The following NAV3 variants were observed in gnomAD, a reference collection of about 807,000 sequenced individuals.
NAV3 encodes neuron navigator 3.
A neutral mutation model predicts 244.7 loss-of-function variants in NAV3; 87 were observed. The observed-to-expected ratio is 0.36, with a 90% CI of 0.30 to 0.42. NAV3 has a LOEUF of 0.42. Ranked by LOEUF, NAV3 falls within the 20% of genes least tolerant of loss-of-function variation. The probability of loss-of-function intolerance (pLI) is 1.00; values close to 1 mark genes in which losing one functional copy is unlikely to be tolerated. For missense variants in NAV3, 2,663 were observed against 2,893.3 expected, an observed-to-expected ratio of 0.92 and a Z score of 1.83; for synonymous variants, 1,126 against 1,042.2, an observed-to-expected ratio of 1.08 and a Z score of -1.55.
At chr12:77,607,670 A>G (rs1374908491) in intron 2 of NAV3, among the ~76,000 whole-genome samples, 1 of 152,102 alleles carries the variant, frequency 6.6e-6, no homozygotes, top group Non-Finnish European at 1.5e-5. Context: ...TCAAGCATTC[A>G]ATCCCAATTG....
chr12:78,017,126 G>T (rs1876357902), intron 8 of NAV3, among the ~76,000 whole-genome samples: 1 of 152,080 alleles, frequency 6.6e-6, no homozygotes, highest in Non-Finnish European at 1.5e-5. Flanking sequence ...TTTATCTGCA[G>T]CACCTACATT....
At chr12:77,904,549 C>T (rs989669416) in intron 1 of NAV3, among the ~76,000 whole-genome samples, 7 of 152,040 alleles carry the variant, frequency 4.6e-5, no homozygotes, top group Non-Finnish European at 8.8e-5. Flanking sequence ...TGCTAAATGA[C>T]GAGTTAATGG....
intron 2 of NAV3, among the ~76,000 whole-genome samples, chr12:77,682,168 C>T (rs1874503174): frequency 6.6e-6 from 1 of 152,104 alleles, no homozygotes; most frequent in Non-Finnish European, 1.5e-5. Flanking sequence ...CACCACAATC[C>T]CCAGCCTCTG....
intron 2 of NAV3, among the ~76,000 whole-genome samples, chr12:77,733,834 A>AT (rs56770236): frequency 0.019 from 2,385 of 124,078 alleles, 23 homozygotes; most frequent in Non-Finnish European, 0.023. Flanking sequence ...CTTGGTTTAG[A>AT]TTTTTTTTTT....
chr12:78,033,140 C>G (rs1455222707), intron 9 of NAV3, among the ~76,000 whole-genome samples: 1 of 151,860 alleles, frequency 6.6e-6, no homozygotes, highest in Non-Finnish European at 1.5e-5. Context: ...GAAGGATAAG[C>G]GAATGGTTAC....
At chr12:77,823,632 A>G (rs1273657316) in intron 2 of NAV3, among the ~76,000 whole-genome samples, 1 of 152,234 alleles carries the variant, frequency 6.6e-6, no homozygotes, top group Non-Finnish European at 1.5e-5. Flanking sequence ...CTCAAAAGCT[A>G]CTTAACTATG....
At chr12:77,781,384 T>C (rs1383598878) in intron 2 of NAV3, among the ~76,000 whole-genome samples, 6 of 152,192 alleles carry the variant, frequency 3.9e-5, no homozygotes, top group Admixed American at 3.9e-4. Flanking sequence ...ACCTGGATGC[T>C]TCATCTGCAT....
intron 2 of NAV3, among the ~76,000 whole-genome samples, chr12:77,803,650 G>A (rs138958259): frequency 6.6e-6 from 1 of 152,218 alleles, no homozygotes; most frequent in African/African-American, 2.4e-5. Context: ...CCCAGTAATG[G>A]GATTGCTGGG....
intron 2 of NAV3, among the ~76,000 whole-genome samples, chr12:77,610,704 T>G (rs1027573312): frequency 6.6e-6 from 1 of 152,070 alleles, no homozygotes; most frequent in Non-Finnish European, 1.5e-5. Flanking sequence ...GACTGAACTA[T>G]GAGGCTTTCT....
rs191005431 is a variant in NAV3, at chr12:77,817,619, C to T, written c.73-122700C>T. Among the ~76,000 whole-genome samples, 21 of 152,126 alleles carry T rather than the reference C, an allele frequency of 1.4e-4. No individual in the cohort carries two copies. In the East Asian group the frequency reaches 3.9e-3, roughly 28 times the overall value. On this transcript the variant is annotated intron_variant, in intron 2 of 8. Transcript: ENST00000550042. ...CAAAGCATTTTCTTCTTTTCAGAAG[C>T]TCTTAACACTGCCAGATGTGTAATT...
intron 2 of NAV3, among the ~76,000 whole-genome samples, chr12:77,592,001 T>C (rs1869927963): frequency 1.3e-5 from 2 of 152,332 alleles, no homozygotes; most frequent in East Asian, 1.9e-4. Context: ...GGTTGCTTCA[T>C]TGTTGTTAGA....
chr12:78,114,601 G>C (rs1345465890), intron 12 of NAV3, among the ~76,000 whole-genome samples: 1 of 152,076 alleles, frequency 6.6e-6, no homozygotes, highest in South Asian at 2.1e-4. Flanking sequence ...AACAGCATGA[G>C]GGTAACCATG....
chr12:77,966,133 T>C, intron 3 of NAV3, 96 bp from the exon 4 acceptor site: 1 of 1,033,896 alleles, frequency 9.7e-7, no homozygotes, highest in South Asian at 1.3e-5. Context: ...ATGTAAACTA[T>C]TCATTCTTTA....
At chr12:77,802,067 T>C (rs1189535096) in intron 2 of NAV3, among the ~76,000 whole-genome samples, 1 of 152,148 alleles carries the variant, frequency 6.6e-6, no homozygotes, top group Non-Finnish European at 1.5e-5. Context: ...ATTATACATA[T>C]AGATACAAAA....
intron 2 of NAV3, among the ~76,000 whole-genome samples, chr12:77,652,343 A>G (rs142404571): frequency 5.0e-4 from 76 of 152,262 alleles, no homozygotes; most frequent in African/African-American, 1.7e-3. Flanking sequence ...TGTTGCTTCA[A>G]AGTCCATAGA....
At chr12:78,075,053 T>C (rs992942692) in intron 12 of NAV3, among the ~76,000 whole-genome samples, 1 of 152,188 alleles carries the variant, frequency 6.6e-6, no homozygotes, top group Admixed American at 6.5e-5. Flanking sequence ...TTTCCCTCCT[T>C]GGATCCTGTA....
At chr12:77,602,105 A>T (rs1870460679) in intron 2 of NAV3, among the ~76,000 whole-genome samples, 1 of 152,050 alleles carries the variant, frequency 6.6e-6, no homozygotes, top group Non-Finnish European at 1.5e-5. Context: ...GAGAGGAAGG[A>T]GCAAATGTGA....
chr12:78,000,295 A>T (rs1267617424), intron 7 of NAV3, among the ~76,000 whole-genome samples: 1 of 152,038 alleles, frequency 6.6e-6, no homozygotes, highest in African/African-American at 2.4e-5. Flanking sequence ...TTTCTTAGAC[A>T]AGAGTTTTCA....
At chr12:77,782,292 CCCCTT>C (rs1388982075) in intron 2 of NAV3, among the ~76,000 whole-genome samples, 33 of 148,442 alleles carry the variant, frequency 2.2e-4, no homozygotes, top group Admixed American at 2.1e-3. Flanking sequence ...CCCCTCCCCT[CCCCTT>C]CCCTTCCTTT....
Sources: gnomAD v4.1 joint callset for allele counts (sites outside exome capture counted in the v4.1 genomes callset) on GRCh38, gnomAD v4.1.1 for gene constraint, MANE v1.5 for transcripts, NCBI Gene and HGNC (gene_info 2026-07-23, HGNC 2026-07-21) for gene names.